STPG2: variants seen among roughly 807,000 people sequenced by gnomAD.
The protein encoded by STPG2 is sperm-tail PG-rich repeat-containing protein 2.
A neutral mutation model predicts 54.2 loss-of-function variants in STPG2; 56 were observed. The ratio of observed to expected loss-of-function variants is 1.03; its 90% CI spans 0.83 to 1.29. The LOEUF is 1.29. STPG2 is among the 50% of genes most tolerant of loss of function. The pLI is 0.00. For synonymous variants in STPG2, 200 were observed against 181.8 expected (o/e 1.10, Z -0.81); for missense variants, 596 against 544.9 (o/e 1.09, Z -0.93).
chr4:97,562,121 C>G (rs953154553), intron 10 of STPG2, among the ~76,000 whole-genome samples: 93 of 152,190 alleles, frequency 6.1e-4, no homozygotes, highest in Non-Finnish European at 2.6e-4. Context: ...TTTCATTGAG[C>G]AGTGGTTTGT....
At chr4:97,773,249 G>C (rs1049135444) in intron 9 of STPG2, among the ~76,000 whole-genome samples, 1 of 151,724 alleles carries the variant, frequency 6.6e-6, no homozygotes, top group Non-Finnish European at 1.5e-5. Flanking sequence ...TGAATTTATT[G>C]GATTCAAAAC....
chr4:97,680,804 C>T (rs527618092), intron 10 of STPG2, among the ~76,000 whole-genome samples: 15 of 96,486 alleles, frequency 1.6e-4, no homozygotes, highest in Admixed American at 7.9e-4. Context: ...TTAACCATTA[C>T]GCTGTTACCC....
At chr4:97,703,519 A>G (rs1341441883) in intron 10 of STPG2, among the ~76,000 whole-genome samples, 1 of 140,258 alleles carries the variant, frequency 7.1e-6, no homozygotes, top group Non-Finnish European at 1.5e-5. Flanking sequence ...TATATAGACT[A>G]TATACTATAT....
intron 9 of STPG2, among the ~76,000 whole-genome samples, chr4:97,728,330 A>G (rs1385145236): frequency 6.6e-6 from 1 of 152,068 alleles, no homozygotes; most frequent in Non-Finnish European, 1.5e-5. Flanking sequence ...TTTGATGTCA[A>G]GGAGTTCATT....
intron 8 of STPG2, among the ~76,000 whole-genome samples, chr4:97,901,209 T>A (rs1731164640): frequency 6.6e-6 from 1 of 151,966 alleles, no homozygotes; most frequent in South Asian, 2.1e-4. Flanking sequence ...AAAGGCCATG[T>A]ATGACAAGCC....
At chr4:97,852,222 A>G (rs936995113) in intron 8 of STPG2, among the ~76,000 whole-genome samples, 1 of 152,228 alleles carries the variant, frequency 6.6e-6, no homozygotes, top group African/African-American at 2.4e-5. Context: ...AATGTCTACA[A>G]GTAGGATTCC....
chr4:97,846,639 A>C (rs1054102383), intron 8 of STPG2, among the ~76,000 whole-genome samples: 3 of 151,418 alleles, frequency 2.0e-5, no homozygotes, highest in Non-Finnish European at 4.4e-5. Context: ...AAAAAAAAAA[A>C]AAAAAAACAC....
At chr4:97,473,537 T>C (rs1373508205) in intron 4 of STPG2, among the ~76,000 whole-genome samples, 1 of 152,172 alleles carries the variant, frequency 6.6e-6, no homozygotes, top group Admixed American at 6.5e-5. Flanking sequence ...GATAAGATGT[T>C]ATCAATGACA....
chr4:97,441,380 A>T (rs1175875283), intron 4 of STPG2: 1 of 152,044 alleles, frequency 6.6e-6, no homozygotes, highest in Non-Finnish European at 1.5e-5. Context: ...AAAAACAAAT[A>T]TTATATAAGA....
chr4:98,080,015 T>C (rs1738294568), intron 5 of STPG2, among the ~76,000 whole-genome samples: 1 of 152,082 alleles, frequency 6.6e-6, no homozygotes, highest in African/African-American at 2.4e-5. Context: ...GCAGTTGTTT[T>C]TCAGAATAAA....
At chr4:97,519,821 G>A (rs1426601085) in intron 4 of STPG2, among the ~76,000 whole-genome samples, 1 of 152,034 alleles carries the variant, frequency 6.6e-6, no homozygotes, top group Non-Finnish European at 1.5e-5. Context: ...GAGGGAACAA[G>A]AGGTGGAGAG....
chr4:98,088,651 T>A (rs910203370), intron 5 of STPG2, among the ~76,000 whole-genome samples: 2 of 141,608 alleles, frequency 1.4e-5, no homozygotes, highest in Non-Finnish European at 3.0e-5. Context: ...TGGTAAGGAC[T>A]ATAAAATCTC....
At chr4:98,078,637 G>A (rs1346592717) in intron 5 of STPG2, among the ~76,000 whole-genome samples, 1 of 151,708 alleles carries the variant, frequency 6.6e-6, no homozygotes, top group Admixed American at 6.6e-5. Context: ...AATGTGCACA[G>A]TTGATATCTT....
chr4:97,870,034 T>A (rs933093596), intron 8 of STPG2, among the ~76,000 whole-genome samples: 1 of 151,622 alleles, frequency 6.6e-6, no homozygotes. Flanking sequence ...TATTTCTCCT[T>A]ATGTGCTAAT....
intron 8 of STPG2, among the ~76,000 whole-genome samples, chr4:97,923,351 G>T (rs150319835): frequency 1.1e-5 from 1 of 91,854 alleles, no homozygotes; most frequent in South Asian, 4.0e-4. Flanking sequence ...GACAAGTGCC[G>T]CCCCCTGCTC....
At chr4:97,797,914 G>T (rs1727253915) in intron 9 of STPG2, among the ~76,000 whole-genome samples, 1 of 152,160 alleles carries the variant, frequency 6.6e-6, no homozygotes, top group Non-Finnish European at 1.5e-5. Context: ...GTTTAGTCTT[G>T]GGAGGGTGTA....
At position 97,906,635 on chromosome 4, in the gene STPG2, G is replaced by A. The variant is rs550861879; in HGVS notation, c.1044+37262C>T. Among the ~76,000 whole-genome samples, 961 of 151,950 alleles carry A rather than the reference G, an allele frequency of 6.3e-3. 3 individuals carry two copies. The highest frequency in any genetic ancestry group is 0.024 in the South Asian group (116 of 4,800). On this transcript the variant is annotated intron_variant, in intron 8 of 10. Transcript: ENST00000295268. Reference sequence around the variant, plus strand: ...ATCCTCAATAAAATATTGGCAAACCGAATCCAGCAGCACATCAAAAAGCTT... The same window carrying A: ...ATCCTCAATAAAATATTGGCAAACCAAATCCAGCAGCACATCAAAAAGCTT...
intron 4 of STPG2, among the ~76,000 whole-genome samples, chr4:97,453,841 T>C (rs1729441643): frequency 6.6e-6 from 1 of 152,174 alleles, no homozygotes; most frequent in South Asian, 2.1e-4. Flanking sequence ...GTCAACTTTG[T>C]TTCAGACATA....
rs1209662791 is a variant in STPG2, at chr4:97,526,682, A to G, written c.462+186017T>C. 2.0e-5 allele frequency among the ~76,000 whole-genome samples: 3 copies of G among 152,058 alleles called. No individual in the cohort carries two copies. The East Asian group carries it at 5.8e-4, about 29-fold the overall frequency. On this transcript the variant is annotated intron_variant, in intron 4 of 4. Coordinates refer to the STPG2 transcript ENST00000522676. ...TGTGCAGAAGCTCTTTAGTTTAATT[A>G]GATCCCATTTGTCAATTCTGGCTTT...
Sources: allele counts gnomAD v4.1 joint callset (sites outside exome capture counted in the v4.1 genomes callset), GRCh38; gene constraint gnomAD v4.1.1; transcripts MANE v1.5; gene names NCBI Gene and HGNC (gene_info 2026-07-23, HGNC 2026-07-21).